Variants in EIF3CL observed in about 807,000 individuals in gnomAD.
EIF3CL encodes the protein eukaryotic translation initiation factor 3 subunit C-like protein.
For missense variants in EIF3CL, 5 were observed against 56.1 expected (o/e 0.09, Z 2.91); for synonymous variants, 2 against 19.6 (o/e 0.10, Z 2.37).
At chr16:28,415,607 G>A in the EIF3CL span, among the ~76,000 whole-genome samples, 5 of 117,458 alleles carry the variant, frequency 4.3e-5, no homozygotes, top group African/African-American at 1.0e-4. Context: ...AAAATTAGCC[G>A]GGCATGGTGG....
At chr16:28,415,357 C>T in the EIF3CL span, among the ~76,000 whole-genome samples, 1 of 107,136 alleles carries the variant, frequency 9.3e-6, no homozygotes, top group Non-Finnish European at 1.8e-5. Context: ...CACTAGGTGG[C>T]TCAGGTCACC....
the EIF3CL span, among the ~76,000 whole-genome samples, chr16:28,419,352 C>T: frequency 6.6e-6 from 1 of 150,438 alleles, no homozygotes; most frequent in South Asian, 2.1e-4. Flanking sequence ...AGGGACTTTC[C>T]CTTAGCCCTT....
the EIF3CL span, among the ~76,000 whole-genome samples, chr16:28,416,619 C>T: frequency 0.012 from 795 of 64,394 alleles, 35 homozygotes; most frequent in African/African-American, 0.046. Context: ...GCAACCACCC[C>T]GTCTGAGAAG....
At chr16:28,405,949 G>GA, upstream of EIF3CL, among the ~76,000 whole-genome samples, 1 of 148,784 alleles carries the variant, frequency 6.7e-6, no homozygotes, top group Non-Finnish European at 1.5e-5. Context: ...GTAGGTCTAC[G>GA]TATATGTGGA....
chr16:28,408,373 T>C (rs1334406003), upstream of EIF3CL, among the ~76,000 whole-genome samples: 1 of 10,854 alleles, frequency 9.2e-5, no homozygotes, highest in Non-Finnish European at 1.6e-4. Context: ...ATGGGGTCCT[T>C]AATGGTCCCA....
At chr16:28,417,824 ATT>A in the EIF3CL span, among the ~76,000 whole-genome samples, 1 of 143,426 alleles carries the variant, frequency 7.0e-6, no homozygotes, top group Non-Finnish European at 1.5e-5. Flanking sequence ...AAAAAAATAA[ATT>A]TAAAAAAAAA....
the EIF3CL span, among the ~76,000 whole-genome samples, chr16:28,417,558 A>G: frequency 1.8e-5 from 2 of 109,966 alleles, no homozygotes; most frequent in East Asian, 2.5e-4. Context: ...GTGTCCACTC[A>G]GGGTTAAATG....
chr16:28,415,436 A>T, the EIF3CL span, among the ~76,000 whole-genome samples: 1 of 139,126 alleles, frequency 7.2e-6, no homozygotes, highest in South Asian at 2.2e-4. Context: ...ATGTTCTAAA[A>T]AGGATTTTAG....
chr16:28,389,687 T>TG (rs1596596628), intron 13 of EIF3CL, among the ~76,000 whole-genome samples: 2 of 710 alleles, frequency 2.8e-3, no homozygotes, highest in Admixed American at 0.014. Flanking sequence ...GCCTAATTTT[T>TG]TTTGTGTGTG....
the EIF3CL span, among the ~76,000 whole-genome samples, chr16:28,417,249 C>CT: frequency 6.7e-6 from 1 of 149,652 alleles, no homozygotes; most frequent in Admixed American, 6.6e-5. Context: ...AGGGGCGCCT[C>CT]TGCCCGGCCG....
At chr16:28,423,813 T>C in the EIF3CL span, among the ~76,000 whole-genome samples, 2 of 103,196 alleles carry the variant, frequency 1.9e-5, 1 homozygote, top group African/African-American at 6.6e-5. Flanking sequence ...ATATAATATA[T>C]ATATTATATA....
At chr16:28,414,722 A>C in the EIF3CL span, 3 of 373,190 alleles carry the variant, frequency 8.0e-6, no homozygotes, top group Admixed American at 4.0e-5. Context: ...TCTAGAAAGC[A>C]GGTGGTGCAG....
At chr16:28,411,726 ATAT>A in the EIF3CL span, among the ~76,000 whole-genome samples, 2 of 102,828 alleles carry the variant, frequency 1.9e-5, 1 homozygote, top group African/African-American at 7.4e-5. Flanking sequence ...ATACCTGGCC[ATAT>A]TATAAATAAA....
intron 15 of EIF3CL, among the ~76,000 whole-genome samples, chr16:28,386,755 AAC>A (rs532715052): frequency 1.5e-4 from 12 of 80,852 alleles, no homozygotes; most frequent in East Asian, 1.2e-3. Context: ...TCTGTCTCAA[AAC>A]ACACACACAC....
At chr16:28,423,833 ATT>A in the EIF3CL span, among the ~76,000 whole-genome samples, 2 of 102,778 alleles carry the variant, frequency 1.9e-5, no homozygotes, top group African/African-American at 6.4e-5. Context: ...ATATATATAT[ATT>A]TTTTGAGACG....
chr16:28,416,997 C>T, the EIF3CL span, among the ~76,000 whole-genome samples: 1 of 92,410 alleles, frequency 1.1e-5, no homozygotes, highest in African/African-American at 4.0e-5. Context: ...CCAGCCGCCC[C>T]GTCCGGGAGG....
chr16:28,414,797 C>T, the EIF3CL span: 13 of 463,482 alleles, frequency 2.8e-5, 1 homozygote, highest in East Asian at 3.1e-4. Flanking sequence ...GTGGAGGTGA[C>T]GAGTTCCCCC....
chr16:28,417,122 G>A, the EIF3CL span, among the ~76,000 whole-genome samples: 5 of 113,166 alleles, frequency 4.4e-5, no homozygotes, highest in South Asian at 2.8e-4. Context: ...CCGGCCAGCC[G>A]CCCGGTCCGG....
rs1254102983 is a variant in EIF3CL at position 28,381,393 on chromosome 16, ACT to A, written c.2186-604_2186-603del. Among the ~76,000 whole-genome samples, 7 of 143,964 alleles carry A rather than the reference ACT, an allele frequency of 4.9e-5. 1 individual carries two copies. In the East Asian group the frequency reaches 1.2e-3, roughly 24 times the overall value. The allele number at this position is 143,964 out of a possible 152,430, so 94.4% of individuals were successfully genotyped here. On this transcript the variant is annotated intron_variant, in intron 16 of 20. Coordinates refer to ENST00000380876, the MANE Select transcript of EIF3CL (RefSeq NM_001317857.2). The stretch of plus-strand genomic sequence containing the variant: ...ACTCCAGCCTGGGCTACAGAGCGAG[ACT>A]CTGTCTCAAAAAACAAAACAAAACA...
Sources: allele counts gnomAD v4.1 joint callset (sites outside exome capture counted in the v4.1 genomes callset), GRCh38; gene constraint gnomAD v4.1.1; transcripts MANE v1.5; gene names NCBI Gene and HGNC (gene_info 2026-07-23, HGNC 2026-07-21).